The following DPP6 variants were observed in gnomAD, a reference collection of about 807,000 sequenced individuals.
The protein encoded by DPP6 is A-type potassium channel modulatory protein DPP6.
A neutral mutation model predicts 122.6 loss-of-function variants in DPP6; 69 were observed. That is an observed-to-expected ratio of 0.56 (90% confidence interval 0.46 to 0.69). The LOEUF is 0.69. Ranked by LOEUF, DPP6 falls within the 30% of genes least tolerant of loss-of-function variation. DPP6 has a pLI of 0.00. For missense variants in DPP6, 928 were observed against 1,116.9 expected (o/e 0.83, Z 2.41); for synonymous variants, 418 against 433.1 (o/e 0.97, Z 0.43).
At position 154,727,321 on chromosome 7, in the gene DPP6, A is replaced by C. The variant is rs146322867; in HGVS notation, c.763-446A>C. On this transcript the variant is annotated intron_variant, in intron 7 of 25. Coordinates refer to ENST00000377770, the MANE Select transcript of DPP6 (RefSeq NM_130797.4). ...GAAGAGAGCACAGGGGGAGGGCTAC[A>C]CACTTTTAAACAGCCAAATCTTGTG... Among the ~76,000 whole-genome samples the C allele has an allele frequency of 8.5e-5, 13 of 152,284 alleles. No homozygotes were observed. In the East Asian group the frequency reaches 2.1e-3, roughly 25 times the overall value.
chr7:154,830,207 C>T (rs999880383), intron 16 of DPP6, among the ~76,000 whole-genome samples: 9 of 152,128 alleles, frequency 5.9e-5, no homozygotes, highest in Admixed American at 2.0e-4. Context: ...TCGCTGCTGC[C>T]TTTTTTCTGA....
chr7:154,480,229 C>T (rs969600891), intron 3 of DPP6, among the ~76,000 whole-genome samples: 3 of 152,236 alleles, frequency 2.0e-5, no homozygotes, highest in African/African-American at 7.2e-5. Flanking sequence ...CTCAAGTCCA[C>T]ATGCCCTGCC....
At chr7:154,358,485 C>G (rs778575074) in intron 1 of DPP6, among the ~76,000 whole-genome samples, 1 of 152,132 alleles carries the variant, frequency 6.6e-6, no homozygotes, top group Non-Finnish European at 1.5e-5. Context: ...ACCCTAAAAA[C>G]AGCAACAAGT....
At chr7:154,272,947 C>G (rs1803888186) in intron 1 of DPP6, among the ~76,000 whole-genome samples, 1 of 152,210 alleles carries the variant, frequency 6.6e-6, no homozygotes, top group Non-Finnish European at 1.5e-5. Context: ...ACAGCTTTCC[C>G]CAACCCAGAA....
At chr7:154,889,662 GT>G in intron 25 of DPP6, 132 bp downstream of exon 25, 2 of 1,417,560 alleles carry the variant, frequency 1.4e-6, no homozygotes, top group Non-Finnish European at 1.9e-6. Flanking sequence ...GATGAGCAAG[GT>G]CCCAGCAGGT....
intron 3 of DPP6, among the ~76,000 whole-genome samples, chr7:154,492,556 C>T (rs1824369388): frequency 6.6e-6 from 1 of 152,180 alleles, no homozygotes; most frequent in Admixed American, 6.5e-5. Flanking sequence ...CACCCATTCC[C>T]TATTCTGGTG....
chr7:154,501,299 C>T (rs1586468582), intron 3 of DPP6, among the ~76,000 whole-genome samples: 1 of 148,870 alleles, frequency 6.7e-6, no homozygotes, highest in South Asian at 2.2e-4. Context: ...CAGCTGCAGA[C>T]ATTTGCATAA....
intron 1 of DPP6, among the ~76,000 whole-genome samples, chr7:154,401,927 A>C (rs989247899): frequency 1.1e-4 from 17 of 152,226 alleles, no homozygotes; most frequent in Non-Finnish European, 2.2e-4. Context: ...CCCATCAAAA[A>C]TTGGGCAAAG....
At chr7:154,714,723 C>T (rs1280727354) in intron 7 of DPP6, among the ~76,000 whole-genome samples, 1 of 152,174 alleles carries the variant, frequency 6.6e-6, no homozygotes, top group Non-Finnish European at 1.5e-5. Context: ...ACAGCCAAAC[C>T]ATATCATCCA....
At chr7:153,867,206 G>T in the DPP6 span, among the ~76,000 whole-genome samples, 1,954 of 152,156 alleles carry the variant, frequency 0.013, 58 homozygotes, top group African/African-American at 0.043. Flanking sequence ...GGTAGCTTGA[G>T]GGGGATGGCA....
At chr7:153,959,118 G>A (rs1054440367) in intron 1 of DPP6, among the ~76,000 whole-genome samples, 1 of 151,962 alleles carries the variant, frequency 6.6e-6, no homozygotes, top group African/African-American at 2.4e-5. Flanking sequence ...CCCATCCGAT[G>A]CTTCTGGTCA....
chr7:154,198,421 C>T (rs1313788186), intron 1 of DPP6, among the ~76,000 whole-genome samples: 1 of 152,072 alleles, frequency 6.6e-6, no homozygotes, highest in Non-Finnish European at 1.5e-5. Context: ...AAGTGATTCT[C>T]GTGCCTCAGC....
intron 3 of DPP6, among the ~76,000 whole-genome samples, chr7:154,520,419 T>C (rs887550150): frequency 3.9e-5 from 6 of 152,276 alleles, no homozygotes; most frequent in African/African-American, 1.2e-4. Flanking sequence ...TTCAGGACTC[T>C]GCTTTAGAGG....
chr7:154,139,974 C>T (rs1795762478), intron 1 of DPP6, among the ~76,000 whole-genome samples: 2 of 152,106 alleles, frequency 1.3e-5, no homozygotes, highest in Admixed American at 1.3e-4. Context: ...CAAGCAGTGA[C>T]AAAGTGCCCC....
chr7:154,149,952 G>C (rs1016308750), intron 1 of DPP6, among the ~76,000 whole-genome samples: 1 of 152,032 alleles, frequency 6.6e-6, no homozygotes, highest in Non-Finnish European at 1.5e-5. Context: ...GGGAGAAGGC[G>C]GCTCTTTTTT....
chr7:154,444,163 A>G (rs1819651385), intron 1 of DPP6, among the ~76,000 whole-genome samples: 1 of 152,170 alleles, frequency 6.6e-6, no homozygotes, highest in African/African-American at 2.4e-5. Context: ...AGAAAACAAT[A>G]TGAAAAAGGC....
rs889390042 is a variant in DPP6 at position 153,947,492 on chromosome 7, AAAT to A, written c.51+59773_51+59775del. Among the ~76,000 whole-genome samples the A allele has an allele frequency of 3.9e-5, 6 of 152,186 alleles. No individual in the cohort carries two copies. The East Asian group carries it at 7.7e-4, about 20-fold the overall frequency. On this transcript the variant is annotated intron_variant, in intron 1 of 25. Coordinates refer to the DPP6 transcript ENST00000404039. ...AGGCCCTATAAACTAGACTGGCAAA[AAAT>A]AATAATAATAATAAGAGAAAATTAC...
chr7:153,874,252 GCACACACACACA>G, the DPP6 span, among the ~76,000 whole-genome samples: 2 of 150,092 alleles, frequency 1.3e-5, no homozygotes, highest in East Asian at 2.0e-4. Flanking sequence ...GTGCGCACAT[GCACACACACACA>G]CACACACACA....
chr7:153,989,199 G>C (rs1266311299), intron 1 of DPP6, among the ~76,000 whole-genome samples: 1 of 135,768 alleles, frequency 7.4e-6, no homozygotes, highest in Non-Finnish European at 1.6e-5. Flanking sequence ...GTGAGTGGGT[G>C]GGTGGGTGTG....
Sources: gnomAD v4.1 joint callset for allele counts (sites outside exome capture counted in the v4.1 genomes callset) on GRCh38, gnomAD v4.1.1 for gene constraint, MANE v1.5 for transcripts, NCBI Gene and HGNC (gene_info 2026-07-23, HGNC 2026-07-21) for gene names.